The following RYR2 variants were observed in gnomAD, a reference collection of about 807,000 sequenced individuals.
RYR2 encodes the protein cardiac muscle ryanodine receptor-calcium release channel.
A neutral mutation model predicts 601.1 loss-of-function variants in RYR2; 227 were observed. That is an observed-to-expected ratio of 0.38 (90% CI 0.34 to 0.42). The LOEUF is 0.42. RYR2 is among the 10% of genes least tolerant of loss of function. RYR2 has a pLI of 1.00. For synonymous variants in RYR2, 2,223 were observed against 2,175.1 expected (o/e 1.02, Z -0.61); for missense variants, 4,646 against 6,156.5 (o/e 0.75, Z 8.21).
chr1:237,643,197 G>C lies in RYR2; in HGVS notation c.7222-130G>C, dbSNP rs994012378. On this transcript the variant is annotated intron_variant, in intron 47 of 104. Transcript: ENST00000366574. ...AAGCCAGAAAACTATTTCTGAGAGA[G>C]GCATAACTTTATGTATACACTGATC... The C allele has an allele frequency of 3.7e-6, 4 of 1,073,168 alleles. No homozygotes were observed. In the Admixed American group the frequency reaches 9.8e-5, roughly 26 times the overall value. 66.5% of individuals were successfully genotyped at this position (1,073,168 alleles called of 1,614,324 possible).
chr1:237,134,284 T>C (rs1672512335), intron 1 of RYR2, among the ~76,000 whole-genome samples: 2 of 152,176 alleles, frequency 1.3e-5, no homozygotes. Flanking sequence ...TCAGTTATTT[T>C]TTTTAATCAG....
At chr1:237,363,610 A>G (rs1209003115) in intron 4 of RYR2, among the ~76,000 whole-genome samples, 3 of 152,060 alleles carry the variant, frequency 2.0e-5, no homozygotes, top group Non-Finnish European at 4.4e-5. Context: ...TTTCTTTTTC[A>G]TACTCTTTCA....
chr1:237,561,127 G>T (rs900120009), intron 27 of RYR2, among the ~76,000 whole-genome samples: 4 of 33,752 alleles, frequency 1.2e-4, no homozygotes, highest in Non-Finnish European at 1.7e-4. Context: ...TGAGAAAACA[G>T]GGAGAAAAAA....
intron 83 of RYR2, 121 bp from the exon 84 acceptor site, chr1:237,760,834 T>TGAATGGAGA: frequency 4.4e-6 from 3 of 683,604 alleles, no homozygotes; most frequent in Admixed American, 2.8e-5. Context: ...AGACATGTTT[T>TGAATGGAGA]CAGTGTACGT....
intron 17 of RYR2, among the ~76,000 whole-genome samples, chr1:237,487,556 C>CAAA (rs770034115): frequency 3.0e-4 from 12 of 40,580 alleles, no homozygotes; most frequent in East Asian, 7.5e-4. Flanking sequence ...CCCGTCTCTA[C>CAAA]AAAAAAAAAA....
rs533962220 is a variant in RYR2, at chr1:237,620,551, A to G, written c.5916+3065A>G. Among the ~76,000 whole-genome samples, 8 of 152,254 alleles carry G rather than the reference A, an allele frequency of 5.3e-5. No homozygotes were observed. In the South Asian group the frequency reaches 1.5e-3, roughly 28 times the overall value. The stretch of plus-strand genomic sequence containing the variant: ...AACTCAATCTAACTATATGCTTGCT[A>G]TGAGAAACTCACTTCAAATATAATA... On this transcript the variant is annotated intron_variant, in intron 38 of 104. Transcript: ENST00000366574.
chr1:237,589,852 G>T lies in RYR2; in HGVS notation c.3658G>T (p.Asp1220Tyr), dbSNP rs753078642. 2 of 1,613,842 alleles carry T rather than the reference G, an allele frequency of 1.2e-6. No individual in the cohort carries two copies. Among genetic ancestry groups the T allele is most frequent in the East Asian group, 4.5e-5 (2 of 44,834 alleles). The change falls in exon 30 of 105, where the codon GAT (aspartate) becomes TAT (tyrosine). Residue 1220 changes from aspartate (D) to tyrosine (Y), a missense_variant. By Grantham distance (160) the Asp-to-Tyr change is radical. Transcript: ENST00000366574. ...AQVGRMNFGK[D>Y]VSTLKYFTIC... ...AGTGGGTAGGATGAACTTTGGAAAG[G>T]ATGTCAGCACCTTGAAATATTTCAC...
Position 237,395,609 on chromosome 1 carries a change from C to T in RYR2, c.773+7426C>T, listed in dbSNP as rs539535050. ...TTCCCCAGGCTGGAGTGCAGTGGCG[C>T]GATCTCTGCTCACTGCAAGCTCTGC... On this transcript the variant is annotated intron_variant, in intron 10 of 104. Transcript: ENST00000366574. Among the ~76,000 whole-genome samples the T allele has an allele frequency of 1.3e-4, 19 of 143,672 alleles. No homozygotes were observed. The South Asian group carries it at 4.2e-3, about 32-fold the overall frequency. The allele number at this position is 143,672 out of a possible 152,430, so 94.3% of individuals were successfully genotyped here.
rs533046741 is a variant in RYR2, at chr1:237,246,182, A to G, written c.49-24315A>G. On this transcript the variant is annotated intron_variant, in intron 1 of 104. Transcript: ENST00000366574. ...ACAATCTTGGCTCACTGTAACTTCC[A>G]CCTCCTGGGTTCCAGCGATTCTCCT... 2.7e-5 allele frequency among the ~76,000 whole-genome samples: 4 copies of G among 147,792 alleles called. No homozygotes were observed. In the East Asian group the frequency reaches 8.1e-4, roughly 30 times the overall value.
chr1:237,777,830 C>A (rs975118676), intron 87 of RYR2, among the ~76,000 whole-genome samples: 1 of 152,202 alleles, frequency 6.6e-6, no homozygotes, highest in Non-Finnish European at 1.5e-5. Flanking sequence ...TGGTTCAGCA[C>A]TTCACCAAAG....
At chr1:237,498,623 T>C (rs1412342229) in intron 20 of RYR2, among the ~76,000 whole-genome samples, 1 of 152,164 alleles carries the variant, frequency 6.6e-6, no homozygotes, top group East Asian at 1.9e-4. Flanking sequence ...TCATTTAGTC[T>C]CTCCATACAA....
At chr1:237,824,583 C>A (rs187083967) in intron 101 of RYR2, among the ~76,000 whole-genome samples, 1 of 151,966 alleles carries the variant, frequency 6.6e-6, no homozygotes, top group Non-Finnish European at 1.5e-5. Context: ...TACTGAATGG[C>A]CAAAAACTGG....
At chr1:237,096,699 A>T (rs1188471698) in intron 1 of RYR2, among the ~76,000 whole-genome samples, 1 of 152,228 alleles carries the variant, frequency 6.6e-6, no homozygotes, top group Non-Finnish European at 1.5e-5. Context: ...ATACTTAATT[A>T]TAAAATAAAG....
At chr1:237,795,836 G>GTATATATATATATATATATATATA (rs1553329286) in intron 96 of RYR2, among the ~76,000 whole-genome samples, 16 of 132,674 alleles carry the variant, frequency 1.2e-4, no homozygotes, top group Admixed American at 5.4e-4. Context: ...GTGTGTGTGT[G>GTATATATATATATATATATATATA]TATATATATA....
intron 58 of RYR2, among the ~76,000 whole-genome samples, chr1:237,669,292 G>A (rs1456942179): frequency 3.9e-5 from 6 of 152,154 alleles, no homozygotes; most frequent in South Asian, 2.1e-4. Flanking sequence ...ACACAGACAC[G>A]GCAACCATCT....
intron 1 of RYR2, among the ~76,000 whole-genome samples, chr1:237,086,966 G>A (rs4256803): frequency 0.9 from 136,534 of 152,156 alleles, 62,298 homozygotes; most frequent in Non-Finnish European, 0.99. Context: ...TGCAGCTCTC[G>A]GATTATAGTG....
Position 237,423,174 on chromosome 1 carries a change from G to A in RYR2, c.931G>A (p.Asp311Asn). The A allele has an allele frequency of 6.2e-7, 1 of 1,613,760 alleles. No individual in the cohort carries two copies. Among genetic ancestry groups the A allele is most frequent in the Non-Finnish European group, 8.5e-7 (1 of 1,179,822 alleles). The stretch of plus-strand genomic sequence containing the variant: ...AGGAAAATACTTGAGTCTCATGGAA[G>A]ACAAAAACCTTCTACTCATGGACAA... ...TTGKYLSLME[D>N]KNLLLMDKEK... Residue 311 changes from aspartate to asparagine, a missense_variant, in exon 12 of 105, where the codon GAC (aspartate) becomes AAC (asparagine). By Grantham distance (23) the Asp-to-Asn change is conservative. This residue lies in a region of RYR2 where 1,807 missense variants were observed against 2,088.1 expected (regional missense o/e 0.87). Transcript: ENST00000366574.
chr1:237,699,711 A>G (rs1307683734), intron 64 of RYR2, among the ~76,000 whole-genome samples: 1 of 152,252 alleles, frequency 6.6e-6, no homozygotes, highest in East Asian at 1.9e-4. Context: ...AGGAGACACC[A>G]TTACAGACCT....
At chr1:237,101,299 TAAAAAAAAAAAAAAAA>T (rs374151748) in intron 1 of RYR2, among the ~76,000 whole-genome samples, 1 of 94,144 alleles carries the variant, frequency 1.1e-5, no homozygotes, top group Non-Finnish European at 2.1e-5. Context: ...TTTTAGAAGT[TAAAAAAAAAAAAAAAA>T]AAAAAAAAAC....
Sources: gnomAD v4.1 joint callset for allele counts (sites outside exome capture counted in the v4.1 genomes callset) on GRCh38, gnomAD v4.1.1 for gene constraint, gnomAD v4.1.1 regional missense constraint, MANE v1.5 for transcripts, NCBI Gene and HGNC (gene_info 2026-07-23, HGNC 2026-07-21) for gene names.